The following NQO2 variants were observed in gnomAD, a reference collection of about 807,000 sequenced individuals.
The protein encoded by NQO2 is N-ribosyldihydronicotinamide:quinone dehydrogenase 2, also known as ribosyldihydronicotinamide dehydrogenase [quinone].
Under a neutral mutation model 22.0 loss-of-function variants are expected in NQO2, and 18 were observed. The ratio of observed to expected loss-of-function variants is 0.82; its 90% confidence interval spans 0.56 to 1.21. The LOEUF is 1.21. Ranked by LOEUF, NQO2 falls within the 50% of genes most tolerant of loss-of-function variation. The probability of loss-of-function intolerance (pLI) is 0.00; values close to 1 mark genes in which losing one functional copy is unlikely to be tolerated. For missense variants in NQO2, 267 were observed against 286.9 expected, an observed-to-expected ratio of 0.93 and a Z score of 0.50; for synonymous variants, 106 against 110.8, an observed-to-expected ratio of 0.96 and a Z score of 0.28.
chr6:3,008,108 C>T (rs999533174), intron 2 of NQO2, among the ~76,000 whole-genome samples: 6 of 152,156 alleles, frequency 3.9e-5, no homozygotes, highest in Non-Finnish European at 7.4e-5. Flanking sequence ...TTAAAACTGC[C>T]ACCTATTAGA....
intron 5 of NQO2, among the ~76,000 whole-genome samples, chr6:3,016,424 C>CT (rs1281713163): frequency 1.1e-5 from 1 of 91,648 alleles, no homozygotes; most frequent in Admixed American, 1.2e-4. Context: ...AAGCGAGACT[C>CT]TGTCTCAAAA....
chr6:3,005,882 A>G lies in NQO2; in HGVS notation c.-85-586A>G, dbSNP rs28383610. The G allele has an allele frequency of 2.4e-4, 208 of 869,550 alleles. No individual in the cohort carries two copies. In the African/African-American group the frequency reaches 3.4e-3, roughly 14 times the overall value. 53.9% of individuals were successfully genotyped at this position (869,550 alleles called of 1,614,324 possible). On this transcript the variant is annotated intron_variant, in intron 1 of 6. Coordinates refer to ENST00000380455, the MANE Select transcript of NQO2 (RefSeq NM_000904.6). ...GGGATGTGCTGCAGGGCCCACAGCTACAATGGGCAGAGCTGGAAATTGCAC... is the reference window on the plus strand; with the variant it reads ...GGGATGTGCTGCAGGGCCCACAGCTGCAATGGGCAGAGCTGGAAATTGCAC...
chr6:3,011,794 G>C (rs1321296393), intron 3 of NQO2, among the ~76,000 whole-genome samples: 1 of 152,102 alleles, frequency 6.6e-6, no homozygotes, highest in African/African-American at 2.4e-5. Flanking sequence ...AGTGCTGAAA[G>C]AACAAAACTG....
rs1328511699 is a variant in NQO2, at chr6:3,006,417, G to C, written c.-85-51G>C. The C allele has an allele frequency of 1.7e-5, 25 of 1,513,704 alleles. No homozygotes were observed. Among genetic ancestry groups the C allele is most frequent in the Non-Finnish European group, 2.2e-5 (25 of 1,134,546 alleles). 93.8% of individuals were successfully genotyped at this position (1,513,704 alleles called of 1,614,324 possible). On this transcript the variant is annotated intron_variant, in intron 1 of 6. Coordinates refer to ENST00000380455, the MANE Select transcript of NQO2 (RefSeq NM_000904.6). This position sits in a 1 kb window ranked among gnomAD's most constrained non-coding sequence, Gnocchi z 4.0. ...AGTGATGCCTAGATGTGGTACATTC[G>C]ACCTCACCTATGCCTCTCCCCACCC...
At chr6:3,014,383 G>A (rs1174241953) in intron 4 of NQO2, among the ~76,000 whole-genome samples, 4 of 152,212 alleles carry the variant, frequency 2.6e-5, no homozygotes, top group South Asian at 4.1e-4. Context: ...TACCATCTCC[G>A]TCTTAATACC....
In NQO2 at chr6:3,007,000, A is replaced by G. The variant is rs1756972314; in HGVS notation, c.7+441A>G. On this transcript the variant is annotated intron_variant, in intron 2 of 6. Transcript: ENST00000380455. The surrounding 1 kb of genome is among the most constrained non-coding windows in gnomAD (Gnocchi z 4.0). ...GCTTATCATGCACATATACATGAAC[A>G]TGCAATCTCTCAACTTTTTAATTTC... The G allele has an allele frequency of 1.0e-5, 4 of 399,244 alleles. No homozygotes were observed. The East Asian group carries it at 1.4e-4, about 14-fold the overall frequency. 24.7% of individuals were successfully genotyped at this position (399,244 alleles called of 1,614,324 possible).
At chr6:3,009,796 G>A (rs1757080712) in intron 2 of NQO2, 1 of 296,560 alleles carries the variant, frequency 3.4e-6, no homozygotes, top group Non-Finnish European at 5.0e-6. Context: ...GAACCTGGGA[G>A]GCAGAGGTTG....
Position 3,006,485 on chromosome 6 carries a change from A to T in NQO2, c.-68A>T. 1 of 1,611,964 alleles carries T rather than the reference A, an allele frequency of 6.2e-7. No homozygotes were observed. The highest frequency in any genetic ancestry group is 8.5e-7 in the Non-Finnish European group (1 of 1,178,992). On this transcript the variant is annotated 5_prime_UTR_variant, in exon 2 of 7. The change creates a new upstream start codon in the 5' untranslated region. Transcript: ENST00000380455. The surrounding 1 kb of genome is among the most constrained non-coding windows in gnomAD (Gnocchi z 4.0). ...TCTTCCAGATTGCTGGACTCGCTGA[A>T]GAGAGACTACGCAGGAAAGCCCCAG...
chr6:3,003,306 C>T (rs534566129), intron 1 of NQO2, among the ~76,000 whole-genome samples: 61 of 151,692 alleles, frequency 4.0e-4, no homozygotes, highest in Non-Finnish European at 7.2e-4. Flanking sequence ...CTTGCCTCAT[C>T]GGGAGGCTTT....
chr6:3,016,732 C>T, intron 5 of NQO2, 152 bp from the exon 6 acceptor site: 1 of 1,458,332 alleles, frequency 6.9e-7, no homozygotes, highest in Non-Finnish European at 9.1e-7. Context: ...GTCATTGTCA[C>T]CTATGGATGG....
At chr6:3,013,383 A>G (rs1406485917) in intron 4 of NQO2, among the ~76,000 whole-genome samples, 1 of 152,172 alleles carries the variant, frequency 6.6e-6, no homozygotes, top group African/African-American at 2.4e-5. Context: ...CAGTGGTCCA[A>G]GAATCATCTG....
At chr6:3,015,691 A>G (rs1360058625) in intron 5 of NQO2, 48 bp downstream of exon 5, 2 of 1,536,010 alleles carry the variant, frequency 1.3e-6, no homozygotes, top group East Asian at 4.5e-5. Context: ...GAGGGAGGGG[A>G]CAGAGGATGC....
rs367672358 is a variant in NQO2 at position 3,015,648 on chromosome 6, G to A, written c.417+5G>A. On this transcript the variant is annotated splice_donor_5th_base_variant and intron_variant, in intron 5 of 6. Transcript: ENST00000380455. ...TACGATTCCGGTTTGCTCCAGGTAT[G>A]TGCTCTTGGATAAGGATCACTATGG... 1.2e-6 allele frequency: 2 copies of A among 1,613,840 alleles called. No individual in the cohort carries two copies. The highest frequency in any genetic ancestry group is 1.7e-5 in the Admixed American group (1 of 60,020).
intron 6 of NQO2, 28 bp from the exon 7 acceptor site, chr6:3,019,451 G>A (rs2113470027): frequency 6.3e-7 from 1 of 1,595,000 alleles, no homozygotes; most frequent in Non-Finnish European, 8.6e-7. Context: ...AGTTTCTAAT[G>A]AGTTCTTTTC....
intron 4 of NQO2, among the ~76,000 whole-genome samples, chr6:3,013,188 C>G (rs182240084): frequency 3.9e-4 from 59 of 151,740 alleles, no homozygotes; most frequent in African/African-American, 1.4e-3. Context: ...ATCTCCTGAC[C>G]TCGTGATCCA....
chr6:3,015,834 T>G (rs953444699), intron 5 of NQO2, among the ~76,000 whole-genome samples, 191 bp downstream of exon 5: 4 of 152,234 alleles, frequency 2.6e-5, no homozygotes, highest in Non-Finnish European at 5.9e-5. Flanking sequence ...TGGAGCTTTT[T>G]GTCTGGTGGG....
At chr6:3,005,852 G>T in intron 1 of NQO2, 1 of 966,578 alleles carries the variant, frequency 1.0e-6, no homozygotes, top group Non-Finnish European at 1.2e-6. Flanking sequence ...GCACAGAGGG[G>T]TGGAGGGATG....
chr6:3,002,307 C>T (rs1383074261), intron 1 of NQO2: 1 of 879,906 alleles, frequency 1.1e-6, no homozygotes, highest in African/African-American at 1.8e-5. Flanking sequence ...TCATATCACT[C>T]TATTTTCTTT....
At position 3,000,069 on chromosome 6, in the gene NQO2, A is replaced by C. The variant is rs2071002; in HGVS notation, c.-102A>C. Reference sequence around the variant, plus strand: ...CCCAGTCCTGCGGCTCCTACTGGGGAGTGCGCTGGTCGGAAGGTGAGTGAT... The same window carrying C: ...CCCAGTCCTGCGGCTCCTACTGGGGCGTGCGCTGGTCGGAAGGTGAGTGAT... On this transcript the variant is annotated 5_prime_UTR_variant, in exon 1 of 7. Transcript: ENST00000380455. 0.32 allele frequency: 49,167 copies of C among 152,384 alleles called. 8,051 individuals carry two copies. The highest frequency in any genetic ancestry group is 0.37 in the African/African-American group (15,431 of 41,508). The allele number at this position is 152,384 out of a possible 1,614,324, so 9.4% of individuals were successfully genotyped here.
Sources: gnomAD v4.1 joint callset for allele counts (sites outside exome capture counted in the v4.1 genomes callset) on GRCh38, gnomAD v4.1.1 for gene constraint, Gnocchi (gnomAD v3.1) non-coding constraint, MANE v1.5 for transcripts, NCBI Gene and HGNC (gene_info 2026-07-23, HGNC 2026-07-21) for gene names.